Variants in DNAAF6 observed in about 807,000 individuals in gnomAD.
DNAAF6 encodes dynein axonemal assembly factor 6.
In DNAAF6, 3 loss-of-function variants were observed where a neutral mutation model predicts 13.7. That is an observed-to-expected ratio of 0.22 (90% CI 0.10 to 0.56). The LOEUF (loss-of-function observed/expected upper bound fraction) is 0.56. Ranked by LOEUF, DNAAF6 falls within the 20% of genes least tolerant of loss-of-function variation. The pLI, the probability that DNAAF6 is intolerant of heterozygous loss-of-function variation, is 0.92. For missense variants in DNAAF6, 130 were observed against 151.0 expected (o/e 0.86, Z 0.73); for synonymous variants, 54 against 49.2 (o/e 1.10, Z -0.41).
chrX:107,206,806 C>T (rs920038255), intron 1 of DNAAF6, 116 bp downstream of exon 1: 8 of 111,105 alleles, frequency 7.2e-5, no homozygotes, highest in African/African-American at 2.6e-4. Context: ...CCCAAAAAGC[C>T]ACAAGTTGGG....
chrX:107,227,380 G>A (rs1241654976), intron 5 of DNAAF6, among the ~76,000 whole-genome samples: 1 of 111,891 alleles, frequency 8.9e-6, no homozygotes, highest in African/African-American at 3.3e-5. Flanking sequence ...GTGAGGCACC[G>A]TGCCTGGCCT....
At chrX:107,212,847 C>A in intron 1 of DNAAF6, 26 bp from the exon 2 acceptor site, 1 of 1,146,131 alleles carries the variant, frequency 8.7e-7, no homozygotes, top group African/African-American at 1.8e-5. Flanking sequence ...AGTAAAATAC[C>A]TCTTTCTGAT....
At chrX:107,227,555 G>A (rs1928282679) in intron 5 of DNAAF6, among the ~76,000 whole-genome samples, 1 of 109,488 alleles carries the variant, frequency 9.1e-6, no homozygotes. Flanking sequence ...AGACCATGTG[G>A]CACAGGGAAG....
chrX:107,220,624 G>A (rs1928102299), intron 4 of DNAAF6, among the ~76,000 whole-genome samples: 2 of 111,917 alleles, frequency 1.8e-5, no homozygotes, highest in Admixed American at 1.9e-4. Flanking sequence ...ACATGAACAG[G>A]CAGTTCAAAA....
intron 3 of DNAAF6, among the ~76,000 whole-genome samples, chrX:107,217,978 G>A (rs1363175274): frequency 8.9e-6 from 1 of 112,458 alleles, no homozygotes; most frequent in African/African-American, 3.2e-5. Context: ...TGATTCATAT[G>A]TAAAATGTTA....
At chrX:107,218,297 G>T (rs6523935) in intron 3 of DNAAF6, among the ~76,000 whole-genome samples, 34,105 of 110,656 alleles carry the variant, frequency 0.31, 5,008 homozygotes, top group African/African-American at 0.55. Flanking sequence ...AATGATCATT[G>T]TATCCACTGC....
At chrX:107,216,590 C>G in intron 2 of DNAAF6, 81 bp from the exon 3 acceptor site, 1 of 628,434 alleles carries the variant, frequency 1.6e-6, no homozygotes, top group Non-Finnish European at 2.3e-6. Flanking sequence ...TATGGAAATC[C>G]TATCAAATTT....
intron 6 of DNAAF6, 122 bp from the exon 7 acceptor site, chrX:107,243,047 T>C (rs956993432): frequency 1.3e-6 from 1 of 758,301 alleles, no homozygotes; most frequent in Non-Finnish European, 1.9e-6. Flanking sequence ...ATTTACACTA[T>C]CTAAATATTG....
chrX:107,216,845 A>G, intron 3 of DNAAF6, 102 bp downstream of exon 3: 6 of 524,422 alleles, frequency 1.1e-5, no homozygotes, highest in Non-Finnish European at 1.8e-5. Flanking sequence ...TATTAAGATG[A>G]ACTAAATAAC....
At position 107,238,787 on chromosome X, in the gene DNAAF6, T is replaced by C. The variant is rs149287151; in HGVS notation, c.430-135T>C. The stretch of plus-strand genomic sequence containing the variant: ...GGATAATAATCTCTGCTGCTCAAGA[T>C]TGACATAAAGATAGGGCATAGCCTG... On this transcript the variant is annotated intron_variant, in intron 5 of 6. Coordinates refer to ENST00000372453, the MANE Select transcript of DNAAF6 (RefSeq NM_173494.2). The C allele has an allele frequency of 1.7e-5, 17 of 1,017,260 alleles. No homozygotes were observed. The East Asian group carries it at 5.1e-4, about 30-fold the overall frequency. 83.8% of individuals were successfully genotyped at this position (1,017,260 alleles called of 1,213,427 possible).
intron 5 of DNAAF6, among the ~76,000 whole-genome samples, chrX:107,233,634 GT>G (rs1324723736): frequency 3.8e-5 from 4 of 106,186 alleles, no homozygotes; most frequent in Admixed American, 1.0e-4. Context: ...GAGGACATGA[GT>G]TTTTTTTTTA....
Position 107,206,657 on chromosome X carries a change from C to A in DNAAF6, c.-37C>A, listed in dbSNP as rs1237733619. On this transcript the variant is annotated 5_prime_UTR_variant, in exon 1 of 7. Coordinates refer to ENST00000372453, the MANE Select transcript of DNAAF6 (RefSeq NM_173494.2). ...CGCCACGCTCTGCACAGTCTATTTT[C>A]GGAGCCTAGCCAGAGACGGGAAAAC... 9.0e-6 allele frequency: 1 copy of A among 111,111 alleles called. No individual in the cohort carries two copies. Among genetic ancestry groups the A allele is most frequent in the Non-Finnish European group, 1.9e-5 (1 of 53,028 alleles). The allele number at this position is 111,111 out of a possible 1,213,427, so 9.2% of individuals were successfully genotyped here.
chrX:107,243,343 A>C lies in DNAAF6; in HGVS notation c.*45A>C. 1 of 1,166,486 alleles carries C rather than the reference A, an allele frequency of 8.6e-7. No individual in the cohort carries two copies. The stretch of plus-strand genomic sequence containing the variant: ...AAAGTAGTAAAATGGCATTGGTAAC[A>C]ATTAAAAAACTTTGAAAAAAATGAT... On this transcript the variant is annotated 3_prime_UTR_variant, in exon 7 of 7. Transcript: ENST00000372453.
At chrX:107,236,141 AAC>A (rs765057083) in intron 5 of DNAAF6, among the ~76,000 whole-genome samples, 5 of 111,553 alleles carry the variant, frequency 4.5e-5, no homozygotes, top group East Asian at 2.8e-4. Context: ...CTCAAAAATA[AAC>A]AGTTAATTTT....
At chrX:107,215,661 A>G (rs1440915322) in intron 2 of DNAAF6, among the ~76,000 whole-genome samples, 1 of 111,925 alleles carries the variant, frequency 8.9e-6, no homozygotes, top group Non-Finnish European at 1.9e-5. Context: ...CTGTTCCATC[A>G]GCTTTCAAGA....
intron 4 of DNAAF6, among the ~76,000 whole-genome samples, chrX:107,220,949 TTCTTTCTTTTTC>T (rs796751916): frequency 0.03 from 1,983 of 67,008 alleles, 35 homozygotes; most frequent in South Asian, 0.075. Context: ...CTTTCTTTCT[TTCTTTCTTTTTC>T]TTTCTTTCTT....
intron 1 of DNAAF6, among the ~76,000 whole-genome samples, chrX:107,211,316 C>G (rs977744126): frequency 9.0e-6 from 1 of 111,683 alleles, no homozygotes; most frequent in African/African-American, 3.2e-5. Context: ...TATCAACAAA[C>G]TTGTCATGAT....
intron 4 of DNAAF6, 21 bp from the exon 5 acceptor site, chrX:107,222,724 T>C (rs781628085): frequency 1.2e-5 from 14 of 1,194,816 alleles, no homozygotes; most frequent in Non-Finnish European, 1.6e-5. Flanking sequence ...TGAGTCCCTA[T>C]AATCATTGAT....
chrX:107,220,699 G>A (rs1420810588), intron 4 of DNAAF6, among the ~76,000 whole-genome samples: 3 of 111,531 alleles, frequency 2.7e-5, no homozygotes, highest in African/African-American at 6.5e-5. Context: ...CTGGCCTTGG[G>A]GAGAAGTATG....
Sources: allele counts gnomAD v4.1 joint callset (sites outside exome capture counted in the v4.1 genomes callset), GRCh38; gene constraint gnomAD v4.1.1; transcripts MANE v1.5; gene names NCBI Gene and HGNC (gene_info 2026-07-23, HGNC 2026-07-21).